The following SPPL3 variants were observed in gnomAD, a reference collection of about 807,000 sequenced individuals.
The protein encoded by SPPL3 is signal peptide peptidase-like 3.
In SPPL3, 5 loss-of-function variants were observed where a neutral mutation model predicts 42.4. That is an observed-to-expected ratio of 0.12 (90% CI 0.06 to 0.25). The LOEUF is 0.25. SPPL3 is among the 10% of genes least tolerant of loss of function. The pLI is 1.00. For missense variants in SPPL3, 235 were observed against 489.0 expected, an observed-to-expected ratio of 0.48 and a Z score of 4.90; for synonymous variants, 195 against 181.8, an observed-to-expected ratio of 1.07 and a Z score of -0.58.
chr12:120,817,302 T>C (rs1870915939), intron 1 of SPPL3, among the ~76,000 whole-genome samples: 1 of 152,022 alleles, frequency 6.6e-6, no homozygotes, highest in Non-Finnish European at 1.5e-5. Flanking sequence ...CTCAAAAAAG[T>C]TTAAAAAGTC....
chr12:120,887,771 C>T (rs1021995575), intron 1 of SPPL3, among the ~76,000 whole-genome samples: 1 of 152,046 alleles, frequency 6.6e-6, no homozygotes, highest in Non-Finnish European at 1.5e-5. Context: ...TCTACAAACC[C>T]TTAATTAAAT....
Position 120,903,946 on chromosome 12 carries a change from GC to G in SPPL3, c.-80del, listed in dbSNP as rs1297232143. 1 of 1,219,446 alleles carries G rather than the reference GC, an allele frequency of 8.2e-7. No individual in the cohort carries two copies. The highest frequency in any genetic ancestry group is 1.6e-5 in the African/African-American group (1 of 62,726). The allele number at this position is 1,219,446 out of a possible 1,614,324, so 75.5% of individuals were successfully genotyped here. A position where few individuals can be genotyped will look rare whatever the true frequency, so the allele number is the denominator to read the frequency against. On this transcript the variant is annotated 5_prime_UTR_variant, in exon 1 of 11. Transcript: ENST00000353487. The stretch of plus-strand genomic sequence containing the variant: ...GGGCTCGCTCGGGCCGTAGCTGAAG[GC>G]GCGGCCGGGGTCCGGTGCTTGCTTG...
chr12:120,843,370 C>T (rs1447573383), intron 1 of SPPL3, among the ~76,000 whole-genome samples: 2 of 152,192 alleles, frequency 1.3e-5, no homozygotes, highest in East Asian at 3.8e-4. Context: ...CATATCTACT[C>T]TACTGAGAAT....
chr12:120,801,083 G>A (rs778318878), intron 2 of SPPL3, among the ~76,000 whole-genome samples: 4 of 152,258 alleles, frequency 2.6e-5, no homozygotes, highest in Non-Finnish European at 5.9e-5. Context: ...GAGAAGCTGT[G>A]TGGGGCAGAT....
At chr12:120,792,300 T>C (rs762653461) in intron 2 of SPPL3, among the ~76,000 whole-genome samples, 1 of 152,162 alleles carries the variant, frequency 6.6e-6, no homozygotes, top group Non-Finnish European at 1.5e-5. Flanking sequence ...GATTTAGAAT[T>C]CTTTAACCAG....
intron 1 of SPPL3, among the ~76,000 whole-genome samples, chr12:120,879,893 A>C (rs900994046): frequency 6.6e-6 from 1 of 152,122 alleles, no homozygotes; most frequent in Non-Finnish European, 1.5e-5. Flanking sequence ...GTGCCTCACA[A>C]ATTTTCAATA....
At chr12:120,896,320 G>A (rs1873799763) in intron 1 of SPPL3, among the ~76,000 whole-genome samples, 1 of 152,040 alleles carries the variant, frequency 6.6e-6, no homozygotes, top group Non-Finnish European at 1.5e-5. Flanking sequence ...AAATCTGAGG[G>A]GTAACAATTC....
chr12:120,764,302 ATATC>A lies in SPPL3; in HGVS notation c.*693_*696del, dbSNP rs1868791245. 1.3e-5 allele frequency: 2 copies of A among 148,536 alleles called. No individual in the cohort carries two copies. The highest frequency in any genetic ancestry group is 2.1e-4 in the South Asian group (1 of 4,702). 9.2% of individuals were successfully genotyped at this position (148,536 alleles called of 1,614,324 possible). Reference sequence around the variant, plus strand: ...GGATTTCATTTTTGTTTATTCATATATATCTATGTGTGTGTTTATATATATATAT... The same window carrying A: ...GGATTTCATTTTTGTTTATTCATATATATGTGTGTGTTTATATATATATAT... On this transcript the variant is annotated 3_prime_UTR_variant, in exon 11 of 11. Coordinates refer to ENST00000353487, the MANE Select transcript of SPPL3 (RefSeq NM_139015.5).
intron 1 of SPPL3, among the ~76,000 whole-genome samples, chr12:120,864,183 T>C (rs1872695796): frequency 6.6e-6 from 1 of 152,180 alleles, no homozygotes; most frequent in South Asian, 2.1e-4. Context: ...TATTTCATTA[T>C]CCAATACTAA....
At chr12:120,822,708 A>T (rs1284344042) in intron 1 of SPPL3, among the ~76,000 whole-genome samples, 6 of 152,148 alleles carry the variant, frequency 3.9e-5, no homozygotes, top group Non-Finnish European at 5.9e-5. Context: ...GACAGACTGA[A>T]TTTCAGTAGC....
At chr12:120,887,518 C>T (rs1177585) in intron 1 of SPPL3, among the ~76,000 whole-genome samples, 73,438 of 151,808 alleles carry the variant, frequency 0.48, 17,951 homozygotes, top group East Asian at 0.56. Flanking sequence ...CAGAGTAATT[C>T]GGTTAATCAC....
At chr12:120,795,119 A>T (rs1415787966) in intron 2 of SPPL3, among the ~76,000 whole-genome samples, 1 of 151,966 alleles carries the variant, frequency 6.6e-6, no homozygotes, top group Non-Finnish European at 1.5e-5. Context: ...GTCAATTATC[A>T]TTCATTCTTT....
chr12:120,815,678 C>A (rs1236441126), intron 1 of SPPL3, among the ~76,000 whole-genome samples: 4 of 152,118 alleles, frequency 2.6e-5, no homozygotes, highest in Non-Finnish European at 4.4e-5. Flanking sequence ...AATGGAGACT[C>A]TCTAGAAACT....
At chr12:120,873,932 AATGGGAG>A in intron 1 of SPPL3, among the ~76,000 whole-genome samples, 1 of 152,194 alleles carries the variant, frequency 6.6e-6, no homozygotes, top group Admixed American at 6.5e-5. Flanking sequence ...GCAAGAAGAA[AATGGGAG>A]ATCTTTAAAG....
chr12:120,806,844 T>TAA (rs766743406), intron 2 of SPPL3, among the ~76,000 whole-genome samples: 10 of 71,882 alleles, frequency 1.4e-4, no homozygotes, highest in African/African-American at 7.2e-4. Flanking sequence ...GAGACTCCAT[T>TAA]AAAAAAAAAA....
intron 1 of SPPL3, among the ~76,000 whole-genome samples, chr12:120,869,771 T>C (rs1342079902): frequency 6.6e-6 from 1 of 152,190 alleles, no homozygotes; most frequent in Non-Finnish European, 1.5e-5. Context: ...AAATGGAAAC[T>C]ACTACATCTA....
At chr12:120,833,040 A>T (rs1272891330) in intron 1 of SPPL3, among the ~76,000 whole-genome samples, 2 of 152,242 alleles carry the variant, frequency 1.3e-5, no homozygotes, top group Non-Finnish European at 2.9e-5. Context: ...TCTACATTTC[A>T]ATAAAGGAAC....
At chr12:120,779,613 C>A (rs972905342) in intron 6 of SPPL3, among the ~76,000 whole-genome samples, 3 of 152,018 alleles carry the variant, frequency 2.0e-5, no homozygotes, top group African/African-American at 7.2e-5. Context: ...CTTTGTGGGG[C>A]AGAGCAGTTA....
In SPPL3 at chr12:120,784,626, A is replaced by G. The variant is rs771841628; in HGVS notation, c.191-33T>C. 2.5e-6 allele frequency: 4 copies of G among 1,569,364 alleles called. No homozygotes were observed. In the African/African-American group the frequency reaches 5.5e-5, roughly 22 times the overall value. The stretch of plus-strand genomic sequence containing the variant: ...AGAAAAACAGACAGATTAATAACTT[A>G]TTATGCACCAGGCACTGTGCCTATG... On this transcript the variant is annotated intron_variant, in intron 3 of 10. Coordinates refer to ENST00000353487, the MANE Select transcript of SPPL3 (RefSeq NM_139015.5).
Sources: allele counts gnomAD v4.1 joint callset (sites outside exome capture counted in the v4.1 genomes callset), GRCh38; gene constraint gnomAD v4.1.1; transcripts MANE v1.5; gene names NCBI Gene and HGNC (gene_info 2026-07-23, HGNC 2026-07-21).